The following PLXDC2 variants were observed in gnomAD, a reference collection of about 807,000 sequenced individuals.
The protein encoded by PLXDC2 is plexin domain containing 2.
PLXDC2 carries 40 observed loss-of-function variants against 68.9 expected under a neutral mutation model. The ratio of observed to expected loss-of-function variants is 0.58; its 90% confidence interval spans 0.45 to 0.76. PLXDC2 has a LOEUF of 0.76. PLXDC2 is among the 30% of genes least tolerant of loss of function. The pLI is 0.00. For synonymous variants in PLXDC2, 243 were observed against 234.2 expected (o/e 1.04, Z -0.34); for missense variants, 644 against 661.9 (o/e 0.97, Z 0.30).
intron 1 of PLXDC2, among the ~76,000 whole-genome samples, chr10:19,876,008 G>A (rs1837623100): frequency 1.3e-5 from 2 of 152,070 alleles, no homozygotes; most frequent in African/African-American, 2.4e-5. Context: ...TTTTTCTGGA[G>A]CATTTTCTTC....
chr10:19,864,253 G>A (rs879654076), intron 1 of PLXDC2, among the ~76,000 whole-genome samples: 1 of 152,126 alleles, frequency 6.6e-6, no homozygotes, highest in Non-Finnish European at 1.5e-5. Flanking sequence ...CAATCCTCCA[G>A]CCTTGGCCTC....
intron 1 of PLXDC2, among the ~76,000 whole-genome samples, chr10:19,919,536 A>G (rs575091558): frequency 6.6e-6 from 1 of 152,360 alleles, no homozygotes; most frequent in East Asian, 1.9e-4. Context: ...TTGAGCTGAT[A>G]GTCTACCCAG....
chr10:20,154,591 A>G (rs1248972786), intron 6 of PLXDC2, among the ~76,000 whole-genome samples: 3 of 151,974 alleles, frequency 2.0e-5, no homozygotes, highest in Non-Finnish European at 4.4e-5. Context: ...TATTTAAAAA[A>G]TCCTGGAGAT....
At chr10:19,946,982 G>A (rs925980651) in intron 1 of PLXDC2, among the ~76,000 whole-genome samples, 2 of 152,064 alleles carry the variant, frequency 1.3e-5, no homozygotes, top group Non-Finnish European at 2.9e-5. Context: ...TATACTTGTC[G>A]GGTCCATGGC....
chr10:20,065,634 T>G (rs1021615990), intron 3 of PLXDC2, among the ~76,000 whole-genome samples: 26 of 152,212 alleles, frequency 1.7e-4, no homozygotes, highest in African/African-American at 6.3e-4. Context: ...GTCCTGAGCT[T>G]GTTTTCCTGT....
At chr10:19,818,718 G>C (rs1021530336) in intron 1 of PLXDC2, among the ~76,000 whole-genome samples, 2 of 151,892 alleles carry the variant, frequency 1.3e-5, no homozygotes, top group African/African-American at 4.8e-5. Context: ...TCTCTGATAC[G>C]TTTCATTGGT....
intron 1 of PLXDC2, among the ~76,000 whole-genome samples, chr10:19,960,954 G>C (rs1362136329): frequency 6.6e-6 from 1 of 152,212 alleles, no homozygotes; most frequent in Non-Finnish European, 1.5e-5. Context: ...TCAGGAAGCT[G>C]AGCAGCAGTA....
chr10:20,254,637 C>T (rs1204938859), intron 13 of PLXDC2, among the ~76,000 whole-genome samples: 1 of 151,812 alleles, frequency 6.6e-6, no homozygotes, highest in Non-Finnish European at 1.5e-5. Context: ...TGGCCTGCTG[C>T]AAGGAAAGAA....
At chr10:19,993,029 G>A (rs957175190) in intron 1 of PLXDC2, among the ~76,000 whole-genome samples, 1 of 152,062 alleles carries the variant, frequency 6.6e-6, no homozygotes, top group African/African-American at 2.4e-5. Context: ...ACCATCACTG[G>A]ACTTCTCACA....
chr10:20,173,615 G>A (rs542730081), intron 7 of PLXDC2, among the ~76,000 whole-genome samples: 4 of 152,146 alleles, frequency 2.6e-5, no homozygotes, highest in African/African-American at 7.2e-5. Flanking sequence ...GTGTTAATCC[G>A]CTCAGATTTA....
chr10:19,890,542 G>T (rs1231687483), intron 1 of PLXDC2, among the ~76,000 whole-genome samples: 20 of 139,444 alleles, frequency 1.4e-4, no homozygotes, highest in East Asian at 1.3e-3. Flanking sequence ...CTGAGACGGG[G>T]TTTTTTTTTT....
chr10:20,135,379 G>T (rs1001840289), intron 4 of PLXDC2, among the ~76,000 whole-genome samples: 1 of 152,154 alleles, frequency 6.6e-6, no homozygotes, highest in African/African-American at 2.4e-5. Context: ...TAGATAATCC[G>T]AAGCATTTAG....
chr10:20,159,161 G>C (rs1249619209), intron 6 of PLXDC2, among the ~76,000 whole-genome samples: 1 of 152,092 alleles, frequency 6.6e-6, no homozygotes. Context: ...CCTGGTCTTT[G>C]AATGTTTCAG....
At chr10:20,075,455 G>C (rs970278249) in intron 4 of PLXDC2, among the ~76,000 whole-genome samples, 5 of 152,156 alleles carry the variant, frequency 3.3e-5, no homozygotes, top group African/African-American at 1.2e-4. Context: ...CTCCAAAAGT[G>C]CTGGGATTAC....
intron 2 of PLXDC2, among the ~76,000 whole-genome samples, chr10:20,020,693 C>T (rs925945221): frequency 1.3e-5 from 2 of 152,052 alleles, no homozygotes; most frequent in Non-Finnish European, 2.9e-5. Flanking sequence ...TAGCTAAATC[C>T]TTTATATCTG....
chr10:19,856,375 CACAG>C (rs1328587528), intron 1 of PLXDC2, among the ~76,000 whole-genome samples: 80 of 120,954 alleles, frequency 6.6e-4, no homozygotes, highest in African/African-American at 2.5e-3. Flanking sequence ...AACACACACA[CACAG>C]ACACACACAC....
chr10:20,140,931 T>C (rs773544519), intron 4 of PLXDC2, among the ~76,000 whole-genome samples: 1 of 151,990 alleles, frequency 6.6e-6, no homozygotes, highest in Non-Finnish European at 1.5e-5. Context: ...GTAGTAATAG[T>C]AGTGCCAGAC....
intron 7 of PLXDC2, among the ~76,000 whole-genome samples, chr10:20,174,347 C>A (rs1398983045): frequency 6.6e-6 from 1 of 151,958 alleles, no homozygotes; most frequent in Admixed American, 6.6e-5. Flanking sequence ...TTCATGAAAC[C>A]TTACTATGTA....
In PLXDC2 at chr10:20,128,622, C is replaced by G. The variant is rs536630696; in HGVS notation, c.542-14673C>G. 7.9e-5 allele frequency among the ~76,000 whole-genome samples: 12 copies of G among 152,216 alleles called. No homozygotes were observed. In the South Asian group the frequency reaches 2.5e-3, roughly 32 times the overall value. ...TCCAGAACTTTATTATTCTGAAAAACTGAAACCTTATACCCTTTAGCCAAT... is the reference window on the plus strand; with the variant it reads ...TCCAGAACTTTATTATTCTGAAAAAGTGAAACCTTATACCCTTTAGCCAAT... On this transcript the variant is annotated intron_variant, in intron 4 of 13. Transcript: ENST00000377252.
Sources: gnomAD v4.1 joint callset for allele counts (sites outside exome capture counted in the v4.1 genomes callset) on GRCh38, gnomAD v4.1.1 for gene constraint, MANE v1.5 for transcripts, NCBI Gene and HGNC (gene_info 2026-07-23, HGNC 2026-07-21) for gene names.